Variants in CNGA3 observed in about 807,000 individuals in gnomAD.
CNGA3 encodes the protein cyclic nucleotide gated channel subunit alpha 3.
CNGA3 carries 42 observed loss-of-function variants against 46.6 expected under a neutral mutation model. The ratio of observed to expected loss-of-function variants is 0.90; its 90% CI spans 0.70 to 1.17. The LOEUF (loss-of-function observed/expected upper bound fraction) is 1.17. CNGA3 is among the 50% of genes most tolerant of loss of function. The probability of loss-of-function intolerance (pLI) is 0.00; values close to 1 mark genes in which losing one functional copy is unlikely to be tolerated. For synonymous variants in CNGA3, 394 were observed against 369.4 expected, an observed-to-expected ratio of 1.07 and a Z score of -0.76; for missense variants, 893 against 890.7, an observed-to-expected ratio of 1.00 and a Z score of -0.03.
intron 2 of CNGA3, among the ~76,000 whole-genome samples, chr2:98,375,624 T>C (rs372580040): frequency 2.0e-5 from 3 of 152,276 alleles, no homozygotes; most frequent in African/African-American, 7.2e-5. Context: ...GGGTTTCTTA[T>C]GAGTATAAGG....
At chr2:98,394,968 T>C (rs560050842) in intron 7 of CNGA3, among the ~76,000 whole-genome samples, 1 of 152,310 alleles carries the variant, frequency 6.6e-6, no homozygotes, top group Admixed American at 6.5e-5. Context: ...CTGGCCTCAT[T>C]GCCTACCCAC....
In CNGA3 at chr2:98,396,250, C is replaced by T; in HGVS notation, c.1080C>T (p.Thr360=). 6.2e-7 allele frequency: 1 copy of T among 1,613,718 alleles called. No individual in the cohort carries two copies. The highest frequency in any genetic ancestry group is 1.6e-4 in the Middle Eastern group (1 of 6,062). ...ACATTTACAGTCTCTACTGGTCCAC[C>T]TTGACCCTTACCACCATTGGTGAGA... The part of the protein sequence containing the change: ...RKYIYSLYWS[T]LTLTTIGETP... The change falls in exon 8 of 8, where the codon ACC becomes ACT. Residue 360 remains threonine, a synonymous_variant. Transcript: ENST00000272602.
intron 1 of CNGA3, among the ~76,000 whole-genome samples, chr2:98,352,094 G>A (rs905641650): frequency 6.6e-6 from 1 of 152,112 alleles, no homozygotes; most frequent in Non-Finnish European, 1.5e-5. Flanking sequence ...GACATTTCAT[G>A]TACATGAAAT....
At chr2:98,385,008 C>T (rs544274065) in intron 5 of CNGA3, among the ~76,000 whole-genome samples, 5 of 152,298 alleles carry the variant, frequency 3.3e-5, no homozygotes, top group Non-Finnish European at 7.3e-5. Context: ...TAATTTTTCC[C>T]TCCCCCATCA....
intron 1 of CNGA3, among the ~76,000 whole-genome samples, chr2:98,348,314 C>T (rs1691691174): frequency 1.3e-5 from 2 of 152,234 alleles, no homozygotes; most frequent in African/African-American, 4.8e-5. Flanking sequence ...GCCGTGACTA[C>T]GTGTGCACTT....
chr2:98,377,514 A>C (rs964368055), intron 2 of CNGA3, 173 bp from the exon 3 acceptor site: 2 of 657,732 alleles, frequency 3.0e-6, no homozygotes, highest in African/African-American at 3.6e-5. Context: ...GTTTATACCA[A>C]AATCCAGAAT....
At chr2:98,380,427 T>A in intron 4 of CNGA3, 73 bp downstream of exon 4, 1 of 1,546,938 alleles carries the variant, frequency 6.5e-7, no homozygotes, top group Non-Finnish European at 8.8e-7. Flanking sequence ...CTTTGCTCCA[T>A]CCTGTTTGGA....
Position 98,395,911 on chromosome 2 carries a change from G to A in CNGA3, c.741G>A (p.Thr247=), listed in dbSNP as rs765663301. 12 of 1,614,048 alleles carry A rather than the reference G, an allele frequency of 7.4e-6. No individual in the cohort carries two copies. Among genetic ancestry groups the A allele is most frequent in the African/African-American group, 1.3e-5 (1 of 74,916 alleles). The change falls in exon 8 of 8, where the codon ACG becomes ACA. Residue 247 remains threonine, a synonymous_variant. Transcript: ENST00000272602. ...NRLWQHYKTT[T]QFKLDVLSLV... is the part of the protein sequence containing the mutation. ...TGTGGCAGCATTACAAGACGACCAC[G>A]CAGTTCAAGCTGGATGTGTTGTCCC...
At chr2:98,379,524 G>T (rs979372121) in intron 3 of CNGA3, among the ~76,000 whole-genome samples, 1 of 152,184 alleles carries the variant, frequency 6.6e-6, no homozygotes, top group South Asian at 2.1e-4. Flanking sequence ...GTGGTCGCAG[G>T]TGTTGGAGCT....
intron 3 of CNGA3, chr2:98,378,204 C>T (rs1035722597): frequency 2.1e-5 from 33 of 1,549,180 alleles, no homozygotes; most frequent in Middle Eastern, 1.7e-4. Flanking sequence ...CCCGGGTGCT[C>T]GTCTGGACCC....
At chr2:98,347,894 A>G (rs865798940) in intron 1 of CNGA3, among the ~76,000 whole-genome samples, 1 of 152,322 alleles carries the variant, frequency 6.6e-6, no homozygotes, top group Middle Eastern at 3.4e-3. Context: ...ACCAGCAAGA[A>G]TAGTGCTGTC....
intron 4 of CNGA3, among the ~76,000 whole-genome samples, chr2:98,382,070 G>C (rs1021565409): frequency 6.6e-6 from 1 of 152,184 alleles, no homozygotes; most frequent in African/African-American, 2.4e-5. Flanking sequence ...GTTGAGCTAG[G>C]ACCATATCCA....
intron 1 of CNGA3, 38 bp downstream of exon 1, chr2:98,346,572 G>T (rs1050611560): frequency 2.5e-6 from 1 of 397,108 alleles, no homozygotes; most frequent in Non-Finnish European, 4.4e-6. Flanking sequence ...GGAATTTTTT[G>T]GGGGGCGCCG....
chr2:98,367,167 G>GTTTATTTTCCTTTT (rs751611132), intron 1 of CNGA3, among the ~76,000 whole-genome samples: 9 of 101,620 alleles, frequency 8.9e-5, no homozygotes, highest in South Asian at 2.9e-4. Flanking sequence ...GACATCAGCT[G>GTTTATTTTCCTTTT]TTTTTTTTCT....
chr2:98,396,152 A>G lies in CNGA3; in HGVS notation c.982A>G (p.Ile328Val), dbSNP rs765181562. 6 of 1,614,182 alleles carry G rather than the reference A, an allele frequency of 3.7e-6. No homozygotes were observed. In the Admixed American group the frequency reaches 5.0e-5, roughly 13 times the overall value. Residue 328 changes from isoleucine (I) to valine (V), a missense_variant, in exon 8 of 8, where the codon ATT becomes GTT. Around this residue, in one of 3 missense-constraint regions of CNGA3, gnomAD observed 548 missense variants for 570.8 expected, o/e 0.96. Transcript: ENST00000272602. ...ACIYFAISKF[I>V]GFGTDSWVYP... ...CATCTACTTTGCCATTTCCAAGTTC[A>G]TTGGTTTTGGGACAGACTCCTGGGT... is the stretch of plus-strand genomic sequence containing the variant.
chr2:98,372,085 C>A (rs73961411), intron 2 of CNGA3, among the ~76,000 whole-genome samples: 1 of 152,322 alleles, frequency 6.6e-6, no homozygotes, highest in African/African-American at 2.4e-5. Context: ...CGGCTCCTTC[C>A]GGTGAGATAC....
chr2:98,378,880 C>A (rs1009586904), intron 3 of CNGA3, among the ~76,000 whole-genome samples: 2 of 152,230 alleles, frequency 1.3e-5, no homozygotes, highest in African/African-American at 4.8e-5. Flanking sequence ...CTTTGTGCTT[C>A]TTTCTGCATG....
At chr2:98,378,854 C>A (rs559136343) in intron 3 of CNGA3, among the ~76,000 whole-genome samples, 2 of 152,348 alleles carry the variant, frequency 1.3e-5, no homozygotes, top group East Asian at 3.9e-4. Flanking sequence ...CCCATTTTCT[C>A]ATGGAGTTTC....
At chr2:98,346,607 C>T in intron 1 of CNGA3, 73 bp downstream of exon 1, 1 of 396,620 alleles carries the variant, frequency 2.5e-6, no homozygotes, top group Non-Finnish European at 4.4e-6. Context: ...GCCGCAGACC[C>T]CATACAGGAG....
Sources: gnomAD v4.1 joint callset for allele counts (sites outside exome capture counted in the v4.1 genomes callset) on GRCh38, gnomAD v4.1.1 for gene constraint, gnomAD v4.1.1 regional missense constraint, MANE v1.5 for transcripts, NCBI Gene and HGNC (gene_info 2026-07-23, HGNC 2026-07-21) for gene names.